CSMD1: variants seen among roughly 807,000 people sequenced by gnomAD.
CSMD1 encodes CUB and sushi domain-containing protein 1.
CSMD1 carries 213 observed loss-of-function variants against 417.5 expected under a neutral mutation model. The ratio of observed to expected loss-of-function variants is 0.51; its 90% CI spans 0.46 to 0.57. CSMD1 has a LOEUF of 0.57. Among genes scored for constraint, CSMD1 ranks in the 20% least tolerant of loss-of-function variants. The probability of loss-of-function intolerance (pLI) is 0.00; values close to 1 mark genes in which losing one functional copy is unlikely to be tolerated. For synonymous variants in CSMD1, 2,862 were observed against 1,736.8 expected (o/e 1.65, Z -16.11); for missense variants, 6,923 against 4,529.7 (o/e 1.53, Z -15.17).
intron 3 of CSMD1, among the ~76,000 whole-genome samples, chr8:4,204,278 C>A (rs937763974): frequency 6.9e-6 from 1 of 145,062 alleles, no homozygotes. Flanking sequence ...AAAAAAAAAC[C>A]TCAATTTGGA....
intron 7 of CSMD1, among the ~76,000 whole-genome samples, chr8:3,639,519 G>T (rs749242294): frequency 5.9e-5 from 9 of 152,160 alleles, no homozygotes; most frequent in Non-Finnish European, 7.3e-5. Context: ...AAAAGACACA[G>T]ATAACATAAT....
Position 3,871,836 on chromosome 8 carries a change from A to G in CSMD1, c.819-117794T>C, listed in dbSNP as rs74876050. On this transcript the variant is annotated intron_variant, in intron 5 of 69. Transcript: ENST00000635120. The stretch of plus-strand genomic sequence containing the variant: ...GTGAAGCTTGTGAAGGCTATTACAC[A>G]ATTAGCTTGTGAGCCAAGAACTCCC... 9.8e-5 allele frequency among the ~76,000 whole-genome samples: 15 copies of G among 152,340 alleles called. No homozygotes were observed. The East Asian group carries it at 2.3e-3, about 24-fold the overall frequency.
At chr8:4,007,786 T>A (rs1816241740) in intron 4 of CSMD1, among the ~76,000 whole-genome samples, 1 of 152,296 alleles carries the variant, frequency 6.6e-6, no homozygotes, top group Non-Finnish European at 1.5e-5. Flanking sequence ...GTGTTGGGAC[T>A]ATGACAAAAT....
chr8:3,144,792 C>T (rs1818734158), intron 40 of CSMD1, among the ~76,000 whole-genome samples: 1 of 32,776 alleles, frequency 3.1e-5, no homozygotes, highest in South Asian at 1.5e-3. Context: ...AAAGAGGCAA[C>T]AAGGGGGGGG....
intron 5 of CSMD1, among the ~76,000 whole-genome samples, chr8:3,856,533 G>T (rs772326057): frequency 2.6e-5 from 4 of 152,172 alleles, no homozygotes; most frequent in Non-Finnish European, 5.9e-5. Flanking sequence ...CGTAATAAAT[G>T]CAACGACTGT....
intron 3 of CSMD1, among the ~76,000 whole-genome samples, chr8:4,170,483 G>C (rs934674538): frequency 6.6e-6 from 1 of 151,794 alleles, no homozygotes; most frequent in African/African-American, 2.4e-5. Context: ...ACTTCCTTCT[G>C]ACTGTAATGA....
At position 4,425,358 on chromosome 8, in the gene CSMD1, G is replaced by C. The variant is rs192816932; in HGVS notation, c.303-5293C>G. 4.2e-5 allele frequency among the ~76,000 whole-genome samples: 6 copies of C among 144,070 alleles called. No individual in the cohort carries two copies. In the East Asian group the frequency reaches 8.1e-4, roughly 19 times the overall value. 94.5% of individuals were successfully genotyped at this position (144,070 alleles called of 152,430 possible). On this transcript the variant is annotated intron_variant, in intron 2 of 69. Coordinates refer to ENST00000635120, the MANE Select transcript of CSMD1 (RefSeq NM_033225.6). Reference sequence around the variant, plus strand: ...GATTTCAAATAGCTGCAATGAAATGGATTCATTCTTATTTGTGTGCCAAAA... The same window carrying C: ...GATTTCAAATAGCTGCAATGAAATGCATTCATTCTTATTTGTGTGCCAAAA...
chr8:4,182,047 T>TGGGG (rs1563234686), intron 3 of CSMD1, among the ~76,000 whole-genome samples: 1 of 136,356 alleles, frequency 7.3e-6, no homozygotes, highest in Admixed American at 7.0e-5. Context: ...TGTGTGTCGG[T>TGGGG]GTGTGTGTGT....
chr8:3,427,215 T>A (rs191255317), intron 12 of CSMD1, among the ~76,000 whole-genome samples: 2 of 152,138 alleles, frequency 1.3e-5, no homozygotes, highest in Non-Finnish European at 1.5e-5. Flanking sequence ...TGAATAAGCA[T>A]AACAAGAACT....
chr8:2,942,445 C>A, intron 69 of CSMD1, 27 bp downstream of exon 69: 1 of 1,600,212 alleles, frequency 6.2e-7, no homozygotes, highest in Non-Finnish European at 8.5e-7. Flanking sequence ...TCACAACATT[C>A]TCAAACAGAT....
At chr8:3,771,901 T>C (rs1798593582) in intron 5 of CSMD1, among the ~76,000 whole-genome samples, 1 of 152,030 alleles carries the variant, frequency 6.6e-6, no homozygotes, top group Non-Finnish European at 1.5e-5. Flanking sequence ...GACCCAGATA[T>C]GAGCAGGAGA....
intron 11 of CSMD1, among the ~76,000 whole-genome samples, chr8:3,475,485 G>C (rs1454421663): frequency 1.3e-5 from 2 of 152,128 alleles, no homozygotes; most frequent in Non-Finnish European, 2.9e-5. Flanking sequence ...CATACCAAGG[G>C]CTTAACATTT....
chr8:4,451,228 G>T (rs966489657), intron 2 of CSMD1, among the ~76,000 whole-genome samples: 1 of 152,080 alleles, frequency 6.6e-6, no homozygotes, highest in Non-Finnish European at 1.5e-5. Flanking sequence ...CTACTTGGGA[G>T]GCTAAGGAGG....
At chr8:3,874,987 G>A (rs1256483780) in intron 5 of CSMD1, among the ~76,000 whole-genome samples, 2 of 151,930 alleles carry the variant, frequency 1.3e-5, no homozygotes, top group African/African-American at 2.4e-5. Flanking sequence ...CAGGATGGAC[G>A]TCTGGCTGCA....
intron 50 of CSMD1, among the ~76,000 whole-genome samples, chr8:3,045,652 T>C (rs552593182): frequency 1.3e-5 from 2 of 152,284 alleles, no homozygotes; most frequent in East Asian, 3.9e-4. Context: ...TTCCTGCTTG[T>C]GTTCTCAGTT....
intron 3 of CSMD1, among the ~76,000 whole-genome samples, chr8:4,084,898 G>C (rs980512821): frequency 1.3e-5 from 2 of 151,722 alleles, no homozygotes; most frequent in South Asian, 2.1e-4. Flanking sequence ...GTTTAAAAAA[G>C]AAAAAACAAA....
chr8:4,074,052 T>C (rs894944779), intron 3 of CSMD1, among the ~76,000 whole-genome samples: 2 of 152,136 alleles, frequency 1.3e-5, no homozygotes, highest in Admixed American at 1.3e-4. Context: ...CATTTAGTTT[T>C]GTTATAATAT....
intron 3 of CSMD1, among the ~76,000 whole-genome samples, chr8:4,097,415 T>C (rs905838650): frequency 2.0e-5 from 3 of 152,318 alleles, no homozygotes; most frequent in East Asian, 1.9e-4. Flanking sequence ...CACATGAACG[T>C]TGTATACATA....
intron 20 of CSMD1, among the ~76,000 whole-genome samples, chr8:3,365,172 G>C (rs1392729835): frequency 2.0e-5 from 3 of 152,180 alleles, no homozygotes; most frequent in South Asian, 2.1e-4. Context: ...GAAGATTTAA[G>C]TCTTTGATAT....
Sources: gnomAD v4.1 joint callset for allele counts (sites outside exome capture counted in the v4.1 genomes callset) on GRCh38, gnomAD v4.1.1 for gene constraint, MANE v1.5 for transcripts, NCBI Gene and HGNC (gene_info 2026-07-23, HGNC 2026-07-21) for gene names.